CDH12: variants seen among roughly 807,000 people sequenced by gnomAD.
CDH12 encodes the protein cadherin-12.
CDH12 carries 41 observed loss-of-function variants against 74.1 expected under a neutral mutation model. The observed-to-expected ratio is 0.55, with a 90% CI of 0.43 to 0.72. The LOEUF (loss-of-function observed/expected upper bound fraction) is 0.72, where lower values mean the gene tolerates loss of function less well. Ranked by LOEUF, CDH12 falls within the 30% of genes least tolerant of loss-of-function variation. The pLI, the probability that CDH12 is intolerant of heterozygous loss-of-function variation, is 0.00. For synonymous variants in CDH12, 399 were observed against 355.0 expected (o/e 1.12, Z -1.39); for missense variants, 945 against 977.2 (o/e 0.97, Z 0.44).
intron 1 of CDH12, among the ~76,000 whole-genome samples, chr5:22,683,572 A>C (rs1741608436): frequency 6.6e-6 from 1 of 152,226 alleles, no homozygotes; most frequent in African/African-American, 2.4e-5. Context: ...TTTCACTGCA[A>C]CACATTTTTT....
intron 3 of CDH12, among the ~76,000 whole-genome samples, chr5:22,307,666 G>T (rs1738171681): frequency 6.6e-6 from 1 of 151,828 alleles, no homozygotes. Flanking sequence ...ACAATTAGTT[G>T]ATTTATATAT....
intron 1 of CDH12, among the ~76,000 whole-genome samples, chr5:22,646,146 G>A (rs921354940): frequency 1.3e-5 from 2 of 151,786 alleles, no homozygotes; most frequent in Admixed American, 1.3e-4. Flanking sequence ...CAAAGTCAAG[G>A]AGATGATGCA....
chr5:22,607,057 A>C (rs1737153173), intron 1 of CDH12, among the ~76,000 whole-genome samples: 1 of 152,194 alleles, frequency 6.6e-6, no homozygotes, highest in African/African-American at 2.4e-5. Flanking sequence ...TTTGAACTTG[A>C]GAGAGATAAT....
chr5:21,870,183 T>A (rs1277171759), intron 6 of CDH12, among the ~76,000 whole-genome samples: 1 of 152,220 alleles, frequency 6.6e-6, no homozygotes, highest in Non-Finnish European at 1.5e-5. Flanking sequence ...TAAGTTCAAT[T>A]AAACCTCTTT....
chr5:22,456,655 G>A (rs1745288965), intron 2 of CDH12, among the ~76,000 whole-genome samples: 1 of 151,816 alleles, frequency 6.6e-6, no homozygotes, highest in African/African-American at 2.4e-5. Context: ...AAAATCTGTA[G>A]GCTTGGAAAC....
intron 1 of CDH12, among the ~76,000 whole-genome samples, chr5:22,621,446 G>A (rs1044763507): frequency 1.3e-5 from 2 of 152,068 alleles, no homozygotes; most frequent in African/African-American, 4.8e-5. Context: ...AAGCCTCAAA[G>A]TTAGTGAACT....
At chr5:21,989,961 T>C (rs1757679254) in intron 5 of CDH12, among the ~76,000 whole-genome samples, 1 of 152,186 alleles carries the variant, frequency 6.6e-6, no homozygotes, top group South Asian at 2.1e-4. Context: ...ATATGATACA[T>C]TTATATCAAA....
At chr5:22,613,996 G>T (rs866815377) in intron 1 of CDH12, among the ~76,000 whole-genome samples, 5 of 151,848 alleles carry the variant, frequency 3.3e-5, no homozygotes, top group African/African-American at 1.2e-4. Flanking sequence ...TGACAGTCTG[G>T]CTCCTGTCTT....
intron 6 of CDH12, among the ~76,000 whole-genome samples, chr5:21,908,100 G>A (rs1443466754): frequency 2.0e-5 from 3 of 152,180 alleles, no homozygotes; most frequent in Non-Finnish European, 4.4e-5. Flanking sequence ...AGTGATAAAA[G>A]TCTGCAAAGC....
chr5:22,213,798 A>G (rs2150364361), intron 3 of CDH12: 1 of 152,258 alleles, frequency 6.6e-6, no homozygotes, highest in South Asian at 2.1e-4. Context: ...GAAAATTCTC[A>G]TTGCCAGAGA....
intron 2 of CDH12, among the ~76,000 whole-genome samples, chr5:22,466,125 T>C (rs1297016447): frequency 2.0e-5 from 3 of 152,184 alleles, no homozygotes; most frequent in Non-Finnish European, 4.4e-5. Flanking sequence ...GCTGATCTTT[T>C]TCTTGCTTTA....
intron 6 of CDH12, among the ~76,000 whole-genome samples, chr5:21,863,015 T>C (rs1338132768): frequency 6.6e-6 from 1 of 152,044 alleles, no homozygotes; most frequent in Non-Finnish European, 1.5e-5. Flanking sequence ...CTTTCATTGA[T>C]TACAAAAATA....
intron 8 of CDH12, among the ~76,000 whole-genome samples, chr5:21,818,029 TC>T (rs371754130): frequency 6.6e-6 from 1 of 152,166 alleles, no homozygotes; most frequent in East Asian, 1.9e-4. Flanking sequence ...TAGTGCATGC[TC>T]TTTTACTGAC....
At chr5:21,911,804 T>C (rs1753871004) in intron 6 of CDH12, among the ~76,000 whole-genome samples, 1 of 152,162 alleles carries the variant, frequency 6.6e-6, no homozygotes, top group South Asian at 2.1e-4. Flanking sequence ...TTAATTCTCA[T>C]GTGTAGTACA....
chr5:21,970,899 A>G (rs1218414681), intron 6 of CDH12, among the ~76,000 whole-genome samples: 1 of 146,214 alleles, frequency 6.8e-6, no homozygotes, highest in African/African-American at 2.5e-5. Context: ...GTCTCTGGTT[A>G]AATAACCTCT....
chr5:22,460,611 C>T (rs774243235), intron 2 of CDH12, among the ~76,000 whole-genome samples: 2 of 151,412 alleles, frequency 1.3e-5, no homozygotes, highest in Admixed American at 6.6e-5. Flanking sequence ...CCATAATGTC[C>T]AGTAATATCA....
chr5:22,459,851 A>G (rs1745429778), intron 2 of CDH12, among the ~76,000 whole-genome samples: 2 of 152,090 alleles, frequency 1.3e-5, no homozygotes, highest in African/African-American at 4.8e-5. Context: ...CTGTAGTCCC[A>G]GCTACTTGGG....
rs1436271244 is a variant in CDH12 at position 22,390,890 on chromosome 5, G to A, written c.-333+14367C>T. ...ATAAAAATAGCATCTTTAATAGATT[G>A]ACCTTAAAATCCTTGCTCAGATGTT... On this transcript the variant is annotated intron_variant, in intron 3 of 14. Transcript: ENST00000382254. Among the ~76,000 whole-genome samples, 2 of 152,214 alleles carry A rather than the reference G, an allele frequency of 1.3e-5. 1 individual carries two copies. Among genetic ancestry groups the A allele is most frequent in the Non-Finnish European group, 2.9e-5 (2 of 68,002 alleles).
chr5:22,642,622 G>A (rs1404469181), intron 1 of CDH12, among the ~76,000 whole-genome samples: 1 of 151,960 alleles, frequency 6.6e-6, no homozygotes, highest in Non-Finnish European at 1.5e-5. Flanking sequence ...GAGGCCATAG[G>A]GAGTTTAACA....
Sources: allele counts gnomAD v4.1 joint callset (sites outside exome capture counted in the v4.1 genomes callset), GRCh38; gene constraint gnomAD v4.1.1; transcripts MANE v1.5; gene names NCBI Gene and HGNC (gene_info 2026-07-23, HGNC 2026-07-21).